Variants in KITLG observed in about 807,000 individuals in gnomAD.
The protein encoded by KITLG is c-Kit ligand.
A neutral mutation model predicts 34.1 loss-of-function variants in KITLG; 13 were observed. The ratio of observed to expected loss-of-function variants is 0.38; its 90% confidence interval spans 0.25 to 0.61. The LOEUF is 0.61. Ranked by LOEUF, KITLG falls within the 20% of genes least tolerant of loss-of-function variation. KITLG has a pLI of 0.60. For missense variants in KITLG, 292 were observed against 318.9 expected (o/e 0.92, Z 0.64); for synonymous variants, 110 against 104.0 (o/e 1.06, Z -0.35).
chr12:88,562,668 A>G (rs1436385280), intron 1 of KITLG, among the ~76,000 whole-genome samples: 1 of 152,200 alleles, frequency 6.6e-6, no homozygotes, highest in African/African-American at 2.4e-5. Flanking sequence ...CTCAGTTTGA[A>G]CTTTTAACCA....
At chr12:88,498,577 T>C (rs1868730337) in intron 9 of KITLG, among the ~76,000 whole-genome samples, 1 of 152,098 alleles carries the variant, frequency 6.6e-6, no homozygotes, top group East Asian at 1.9e-4. Flanking sequence ...AAGCTTAATA[T>C]AGAGAATTAA....
chr12:88,523,775 G>C (rs916140612), intron 3 of KITLG, among the ~76,000 whole-genome samples: 5 of 151,874 alleles, frequency 3.3e-5, no homozygotes, highest in Admixed American at 3.3e-4. Context: ...CTTCTCTTTG[G>C]ATTAGCTGGG....
Position 88,545,759 on chromosome 12 carries a change from G to C in KITLG, c.122C>G (p.Thr41Ser). The change falls in exon 2 of 10, where the codon ACT becomes AGT. Residue 41 changes from threonine to serine, a missense_variant. Coordinates refer to ENST00000644744, the MANE Select transcript of KITLG (RefSeq NM_000899.5). ...AAAGCATTCCTTACTTACCAATTTA[G>C]TGACGTCTTTTACATTATTAGTCAC... The part of the protein sequence containing the change: ...NRVTNNVKDV[T>S]KLVANLPKDY... 1 of 1,575,176 alleles carries C rather than the reference G, an allele frequency of 6.3e-7. No homozygotes were observed. The highest frequency in any genetic ancestry group is 1.1e-5 in the South Asian group (1 of 90,148).
chr12:88,551,342 T>C (rs1041402571), intron 1 of KITLG, among the ~76,000 whole-genome samples: 11 of 152,176 alleles, frequency 7.2e-5, no homozygotes, highest in African/African-American at 2.4e-4. Context: ...AGCTTACTTC[T>C]TTATATAAAA....
intron 1 of KITLG, among the ~76,000 whole-genome samples, chr12:88,574,489 C>T (rs1336720726): frequency 2.0e-5 from 3 of 152,096 alleles, no homozygotes; most frequent in African/African-American, 2.4e-5. Flanking sequence ...TTTCCACCTC[C>T]GTGTCTCCAG....
intron 2 of KITLG, among the ~76,000 whole-genome samples, chr12:88,533,071 C>T (rs1277482437): frequency 6.8e-6 from 1 of 147,204 alleles, no homozygotes; most frequent in Non-Finnish European, 1.5e-5. Flanking sequence ...TTCAAAAAAA[C>T]AATGCTACTT....
intron 1 of KITLG, among the ~76,000 whole-genome samples, chr12:88,575,364 A>G (rs142581557): frequency 6.6e-6 from 1 of 152,338 alleles, no homozygotes; most frequent in African/African-American, 2.4e-5. Flanking sequence ...TAGATGACAC[A>G]CATTATGATT....
chr12:88,548,389 G>A (rs1328049296), intron 1 of KITLG, among the ~76,000 whole-genome samples: 1 of 152,004 alleles, frequency 6.6e-6, no homozygotes, highest in Non-Finnish European at 1.5e-5. Flanking sequence ...GTGAGGCGGA[G>A]GTTGCAGTGA....
At chr12:88,533,792 T>C (rs186725272) in intron 2 of KITLG, among the ~76,000 whole-genome samples, 6 of 152,214 alleles carry the variant, frequency 3.9e-5, no homozygotes, top group African/African-American at 1.4e-4. Context: ...TGTATGATTC[T>C]GCTTGGTCTT....
intron 3 of KITLG, among the ~76,000 whole-genome samples, chr12:88,527,468 G>A (rs1869916699): frequency 6.6e-6 from 1 of 152,166 alleles, no homozygotes; most frequent in South Asian, 2.1e-4. Context: ...AAGTTTGGAA[G>A]GCTTATTGTT....
chr12:88,507,912 T>G (rs1433866578), intron 6 of KITLG, among the ~76,000 whole-genome samples: 4 of 152,026 alleles, frequency 2.6e-5, no homozygotes, highest in African/African-American at 9.7e-5. Flanking sequence ...TTAGGTTGGA[T>G]GTGGTGGCTC....
chr12:88,516,622 G>T (rs1254187406), intron 4 of KITLG, 132 bp from the exon 5 acceptor site: 1 of 590,732 alleles, frequency 1.7e-6, no homozygotes, highest in Non-Finnish European at 2.9e-6. Context: ...TTAGATGGCT[G>T]TTTTAACGTA....
chr12:88,562,252 AG>A (rs1269344086), intron 1 of KITLG, among the ~76,000 whole-genome samples: 1 of 152,246 alleles, frequency 6.6e-6, no homozygotes. Context: ...GTACAGACCA[AG>A]GTACTGGCAC....
At chr12:88,532,359 A>G in intron 3 of KITLG, 82 bp downstream of exon 3, 2 of 991,474 alleles carry the variant, frequency 2.0e-6, no homozygotes, top group South Asian at 2.8e-5. Context: ...CCTAAATAGC[A>G]GCTAGTGTAC....
intron 4 of KITLG, 86 bp downstream of exon 4, chr12:88,518,611 G>A (rs1869541695): frequency 1.0e-6 from 1 of 974,024 alleles, no homozygotes; most frequent in Non-Finnish European, 1.6e-6. Flanking sequence ...CATAAATAAA[G>A]GTGCCTCATT....
At chr12:88,518,451 A>T (rs570380377) in intron 4 of KITLG, among the ~76,000 whole-genome samples, 3 of 152,324 alleles carry the variant, frequency 2.0e-5, no homozygotes, top group African/African-American at 7.2e-5. Context: ...CTGATTTTGC[A>T]TTGTAATGTA....
chr12:88,561,125 G>A (rs753604958), intron 1 of KITLG, among the ~76,000 whole-genome samples: 43 of 152,182 alleles, frequency 2.8e-4, no homozygotes, highest in Admixed American at 1.2e-3. Context: ...CCTTATGGCC[G>A]TTGGAAAGTT....
chr12:88,554,450 AG>A (rs1566032517), intron 1 of KITLG, among the ~76,000 whole-genome samples: 1 of 152,200 alleles, frequency 6.6e-6, no homozygotes, highest in East Asian at 1.9e-4. Flanking sequence ...TGAACAAAAC[AG>A]CAGCTGCTGC....
At chr12:88,525,321 T>G (rs1043966514) in intron 3 of KITLG, among the ~76,000 whole-genome samples, 8 of 152,206 alleles carry the variant, frequency 5.3e-5, no homozygotes, top group Non-Finnish European at 1.0e-4. Flanking sequence ...AATGGGACTT[T>G]TACTATTAGT....
Sources: allele counts gnomAD v4.1 joint callset (sites outside exome capture counted in the v4.1 genomes callset), GRCh38; gene constraint gnomAD v4.1.1; transcripts MANE v1.5; gene names NCBI Gene and HGNC (gene_info 2026-07-23, HGNC 2026-07-21).